The following ABHD17B variants were observed in gnomAD, a reference collection of about 807,000 sequenced individuals.
ABHD17B encodes the protein alpha/beta hydrolase domain-containing protein 17B.
ABHD17B carries 9 observed loss-of-function variants against 26.2 expected under a neutral mutation model. The observed-to-expected ratio is 0.34, with a 90% CI of 0.21 to 0.60. The LOEUF is 0.60. Among genes scored for constraint, ABHD17B ranks in the 20% least tolerant of loss-of-function variants. The pLI is 0.80. For synonymous variants in ABHD17B, 127 were observed against 122.3 expected (o/e 1.04, Z -0.25); for missense variants, 224 against 352.1 (o/e 0.64, Z 2.91).
intron 1 of ABHD17B, among the ~76,000 whole-genome samples, chr9:71,889,210 G>A (rs368224640): frequency 6.6e-6 from 1 of 151,916 alleles, no homozygotes; most frequent in South Asian, 2.1e-4. Context: ...ATAGCTACTC[G>A]GGAGGCTGAG....
Position 71,880,100 on chromosome 9 carries a change from G to A in ABHD17B, c.-3-5017C>T, listed in dbSNP as rs371378895. Among the ~76,000 whole-genome samples the A allele has an allele frequency of 1.2e-4, 18 of 152,212 alleles. 1 individual carries two copies. Among genetic ancestry groups the A allele is most frequent in the Admixed American group, 5.9e-4 (9 of 15,286 alleles). ...AATAAATAACCTAGACAAAACTCACGCACTTCTTGAGTAATATAAAAGGAC... is the reference window on the plus strand; with the variant it reads ...AATAAATAACCTAGACAAAACTCACACACTTCTTGAGTAATATAAAAGGAC... On this transcript the variant is annotated intron_variant, in intron 1 of 3. Coordinates refer to ENST00000333421, the MANE Select transcript of ABHD17B (RefSeq NM_001025780.3).
At chr9:71,905,129 G>GTT (rs1187625006) in intron 1 of ABHD17B, among the ~76,000 whole-genome samples, 1 of 145,578 alleles carries the variant, frequency 6.9e-6, no homozygotes. Context: ...GAAGTTTTTT[G>GTT]TTTTTTTTTT....
At chr9:71,906,420 C>T (rs904910540) in intron 1 of ABHD17B, among the ~76,000 whole-genome samples, 1 of 152,194 alleles carries the variant, frequency 6.6e-6, no homozygotes, top group Non-Finnish European at 1.5e-5. Context: ...GATGGAGACA[C>T]CATCCATTGG....
intron 3 of ABHD17B, 44 bp from the exon 4 acceptor site, chr9:71,867,050 T>C (rs201931606): frequency 3.2e-5 from 51 of 1,591,148 alleles, no homozygotes; most frequent in Non-Finnish European, 4.0e-5. Flanking sequence ...AAATTAACTA[T>C]GTAAAGGAAC....
intron 1 of ABHD17B, among the ~76,000 whole-genome samples, chr9:71,883,104 T>C (rs1404984190): frequency 4.6e-5 from 7 of 151,984 alleles, no homozygotes; most frequent in Admixed American, 2.0e-4. Context: ...GATTGCGCCA[T>C]TGCACTCCAG....
At position 71,866,621 on chromosome 9, in the gene ABHD17B, GTT is replaced by G; in HGVS notation, c.*164_*165del. ...ACGGTACTGTTATTTCCAGTTTTTA[GTT>G]CTGGTAATTAAAACCTTCATTAAGT... On this transcript the variant is annotated 3_prime_UTR_variant, in exon 4 of 4. Coordinates refer to ENST00000333421, the MANE Select transcript of ABHD17B (RefSeq NM_001025780.3). 7.0e-7 allele frequency: 1 copy of G among 1,437,272 alleles called. No homozygotes were observed. The highest frequency in any genetic ancestry group is 1.5e-5 in the South Asian group (1 of 65,568). 89.0% of individuals were successfully genotyped at this position (1,437,272 alleles called of 1,614,324 possible). A position where few individuals can be genotyped will look rare whatever the true frequency, so the allele number is the denominator to read the frequency against.
rs756745882 is a variant in ABHD17B at position 71,866,964 on chromosome 9, A to G, written c.690T>C (p.Ile230=). The change falls in exon 4 of 4, where the codon ATT becomes ATC. Residue 230 remains isoleucine, a synonymous_variant. Transcript: ENST00000333421. ...ISKITSPVLI[I]HGTEDEVIDF... ...CAATGACTTCATCTTCAGTCCCATG[A>G]ATTATTAATACTGGAGAGGTTATCT... The G allele has an allele frequency of 5.0e-6, 8 of 1,614,172 alleles. No individual in the cohort carries two copies. In the South Asian group the frequency reaches 8.8e-5, roughly 18 times the overall value.
intron 3 of ABHD17B, 143 bp from the exon 4 acceptor site, chr9:71,867,149 T>A: frequency 9.3e-7 from 1 of 1,076,152 alleles, no homozygotes; most frequent in Non-Finnish European, 1.3e-6. Flanking sequence ...GAATTTCCAG[T>A]AAGATTCAAA....
At chr9:71,872,190 A>G (rs1826133527) in intron 2 of ABHD17B, among the ~76,000 whole-genome samples, 1 of 152,144 alleles carries the variant, frequency 6.6e-6, no homozygotes, top group Non-Finnish European at 1.5e-5. Context: ...CAGAGAAGTA[A>G]TATTTCCTAA....
chr9:71,864,213 C>CTTTTTTTT (rs762446648), downstream of ABHD17B, among the ~76,000 whole-genome samples: 72 of 80,392 alleles, frequency 9.0e-4, 5 homozygotes, highest in East Asian at 1.3e-3. Context: ...GCCAAACTTT[C>CTTTTTTTT]TTTTTTTTTT....
At chr9:71,888,010 T>C (rs1826664705) in intron 1 of ABHD17B, among the ~76,000 whole-genome samples, 3 of 152,234 alleles carry the variant, frequency 2.0e-5, no homozygotes, top group Admixed American at 6.5e-5. Flanking sequence ...CCTTGTAAGC[T>C]GAAGTTGCAA....
At chr9:71,908,316 C>T (rs966899699) in intron 1 of ABHD17B, among the ~76,000 whole-genome samples, 11 of 147,688 alleles carry the variant, frequency 7.4e-5, no homozygotes, top group African/African-American at 2.5e-4. Flanking sequence ...CACTTGAACC[C>T]GGGAAGCAGA....
intron 1 of ABHD17B, among the ~76,000 whole-genome samples, chr9:71,899,361 T>C (rs1002366542): frequency 1.3e-5 from 2 of 152,210 alleles, no homozygotes; most frequent in African/African-American, 4.8e-5. Flanking sequence ...TCTCATAGGC[T>C]GAGCCTGTAG....
chr9:71,888,149 C>A lies in ABHD17B; in HGVS notation c.-3-13066G>T, dbSNP rs150284098. The stretch of plus-strand genomic sequence containing the variant: ...CCAGAGCAATGTCCTAACAAGTGAA[C>A]AAAGTCTTACTGATGGAGCAGTAAA... On this transcript the variant is annotated intron_variant, in intron 1 of 3. Coordinates refer to ENST00000333421, the MANE Select transcript of ABHD17B (RefSeq NM_001025780.3). Among the ~76,000 whole-genome samples, 274 of 152,314 alleles carry A rather than the reference C, an allele frequency of 1.8e-3. 2 individuals carry two copies. The highest frequency in any genetic ancestry group is 5.8e-3 in the African/African-American group (241 of 41,572).
intron 1 of ABHD17B, among the ~76,000 whole-genome samples, chr9:71,890,274 A>G (rs1489136457): frequency 2.0e-5 from 3 of 152,096 alleles, no homozygotes; most frequent in African/African-American, 7.2e-5. Flanking sequence ...TGGGTGACAG[A>G]GCTGGACTCT....
chr9:71,867,704 T>G (rs1296442692), intron 3 of ABHD17B, among the ~76,000 whole-genome samples: 1 of 152,220 alleles, frequency 6.6e-6, no homozygotes, highest in South Asian at 2.1e-4. Flanking sequence ...CCTTCCCAGT[T>G]CCTTTTGCCT....
At chr9:71,893,754 AC>A (rs929558098) in intron 1 of ABHD17B, among the ~76,000 whole-genome samples, 1 of 152,176 alleles carries the variant, frequency 6.6e-6, no homozygotes, top group African/African-American at 2.4e-5. Flanking sequence ...TCCAATAGCT[AC>A]CTAGAGGTGC....
intron 2 of ABHD17B, among the ~76,000 whole-genome samples, chr9:71,874,211 G>A (rs1246443364): frequency 2.0e-5 from 3 of 150,842 alleles, no homozygotes; most frequent in African/African-American, 7.3e-5. Flanking sequence ...AAGAGATGAG[G>A]TCTGACGCTG....
In ABHD17B at chr9:71,866,719, T is replaced by C. The variant is rs1277115946; in HGVS notation, c.*68A>G. On this transcript the variant is annotated 3_prime_UTR_variant, in exon 4 of 4. Coordinates refer to ENST00000333421, the MANE Select transcript of ABHD17B (RefSeq NM_001025780.3). ...GATTTGCAAACAAAACCTTCAGGTTTTATGTTATTTACCAAAGAGTGCAGT... is the reference window on the plus strand; with the variant it reads ...GATTTGCAAACAAAACCTTCAGGTTCTATGTTATTTACCAAAGAGTGCAGT... 2 of 1,579,170 alleles carry C rather than the reference T, an allele frequency of 1.3e-6. No individual in the cohort carries two copies. Among genetic ancestry groups the C allele is most frequent in the Non-Finnish European group, 1.7e-6 (2 of 1,162,636 alleles).
Sources: gnomAD v4.1 joint callset for allele counts (sites outside exome capture counted in the v4.1 genomes callset) on GRCh38, gnomAD v4.1.1 for gene constraint, MANE v1.5 for transcripts, NCBI Gene and HGNC (gene_info 2026-07-23, HGNC 2026-07-21) for gene names.